UBR1: variants seen among roughly 807,000 people sequenced by gnomAD.
The protein encoded by UBR1 is ubiquitin protein ligase E3 component n-recognin 1.
In UBR1, 102 loss-of-function variants were observed where a neutral mutation model predicts 242.1. The ratio of observed to expected loss-of-function variants is 0.42; its 90% CI spans 0.36 to 0.50. The LOEUF (loss-of-function observed/expected upper bound fraction) is 0.50. UBR1 is among the 20% of genes least tolerant of loss of function. UBR1 has a pLI of 0.01. For missense variants in UBR1, 1,772 were observed against 2,101.8 expected, an observed-to-expected ratio of 0.84 and a Z score of 3.07; for synonymous variants, 675 against 684.8, an observed-to-expected ratio of 0.99 and a Z score of 0.22.
Position 42,943,552 on chromosome 15 carries a change from C to T in UBR1, c.*1777G>A, listed in dbSNP as rs946257456. 2.0e-5 allele frequency: 3 copies of T among 152,262 alleles called. No individual in the cohort carries two copies. Among genetic ancestry groups the T allele is most frequent in the African/African-American group, 7.3e-5 (3 of 41,296 alleles). 9.4% of individuals were successfully genotyped at this position (152,262 alleles called of 1,614,324 possible). A position where few individuals can be genotyped will look rare whatever the true frequency, so the allele number is the denominator to read the frequency against. ...TCCCTCTGTCCTCTTGAGAGCCTAA[C>T]TCCAGAATTTATTAAGTTAATATAA... On this transcript the variant is annotated 3_prime_UTR_variant, in exon 47 of 47. Transcript: ENST00000290650.
At chr15:43,059,220 C>T (rs762827805) in intron 8 of UBR1, 28 bp from the exon 9 acceptor site, 5 of 1,582,728 alleles carry the variant, frequency 3.2e-6, no homozygotes, top group Admixed American at 1.7e-5. Flanking sequence ...CACACAGTTA[C>T]ACAACTTGTA....
intron 29 of UBR1, among the ~76,000 whole-genome samples, chr15:43,015,146 C>G (rs1010239276): frequency 6.6e-6 from 1 of 152,224 alleles, no homozygotes; most frequent in Non-Finnish European, 1.5e-5. Flanking sequence ...GAGGTGTACC[C>G]AACAGCTCAT....
intron 45 of UBR1, 100 bp downstream of exon 45, chr15:42,952,178 G>A: frequency 7.1e-7 from 1 of 1,418,182 alleles, no homozygotes; most frequent in Non-Finnish European, 9.9e-7. Flanking sequence ...ACTTCTGATT[G>A]ATTATTTGCT....
chr15:42,950,028 G>C (rs1489312527), intron 46 of UBR1, among the ~76,000 whole-genome samples: 1 of 151,424 alleles, frequency 6.6e-6, no homozygotes, highest in Non-Finnish European at 1.5e-5. Context: ...TAGTAGCGAC[G>C]GGTTTTCACC....
chr15:42,969,656 G>A (rs1361600668), intron 40 of UBR1, among the ~76,000 whole-genome samples: 2 of 152,106 alleles, frequency 1.3e-5, no homozygotes, highest in Non-Finnish European at 2.9e-5. Flanking sequence ...AAAGTCTCAG[G>A]ATACAAAATC....
At chr15:42,957,388 A>G (rs2031939283) in intron 44 of UBR1, among the ~76,000 whole-genome samples, 1 of 152,208 alleles carries the variant, frequency 6.6e-6, no homozygotes, top group Non-Finnish European at 1.5e-5. Flanking sequence ...ATAAGAAGTG[A>G]TTAGTGAGTA....
At chr15:42,955,809 A>G (rs1403605490) in intron 44 of UBR1, among the ~76,000 whole-genome samples, 1 of 152,248 alleles carries the variant, frequency 6.6e-6, no homozygotes, top group East Asian at 1.9e-4. Flanking sequence ...AGGTAAGCAT[A>G]ATAAGATACA....
At chr15:43,042,536 G>A (rs2141322327) in intron 15 of UBR1, among the ~76,000 whole-genome samples, 1 of 152,172 alleles carries the variant, frequency 6.6e-6, no homozygotes, top group South Asian at 2.1e-4. Flanking sequence ...CAATGGGGAG[G>A]TATTGTTTAG....
intron 24 of UBR1, 23 bp downstream of exon 24, chr15:43,025,358 C>A: frequency 1.2e-6 from 2 of 1,600,846 alleles, no homozygotes; most frequent in South Asian, 2.2e-5. Flanking sequence ...CAAAATGAGT[C>A]AATTCAGAAT....
At chr15:43,079,686 G>A (rs780701397) in intron 3 of UBR1, among the ~76,000 whole-genome samples, 2 of 152,232 alleles carry the variant, frequency 1.3e-5, no homozygotes, top group Non-Finnish European at 2.9e-5. Context: ...GGAGGCTGAG[G>A]CAGGAGAATG....
At position 43,086,069 on chromosome 15, in the gene UBR1, T is replaced by C. The variant is rs2034032231; in HGVS notation, c.253A>G (p.Ile85Val). 6.2e-7 allele frequency: 1 copy of C among 1,613,958 alleles called. No individual in the cohort carries two copies. Among genetic ancestry groups the C allele is most frequent in the African/African-American group, 1.3e-5 (1 of 74,902 alleles). The change falls in exon 2 of 47, where the codon ATT (isoleucine) becomes GTT (valine). Residue 85 changes from isoleucine to valine, a missense_variant. By Grantham distance (29) the Ile-to-Val change is conservative (BLOSUM62 3). Transcript: ENST00000290650. ...EWYLFGEDPD[I>V]CLEKLKHSGA... Reference sequence around the variant, plus strand: ...CTGTGCTTCAATTTCTCTAAGCAAATATCTGGATCTTCTCCAAATAAGTAC... The same window carrying C: ...CTGTGCTTCAATTTCTCTAAGCAAACATCTGGATCTTCTCCAAATAAGTAC...
intron 1 of UBR1, among the ~76,000 whole-genome samples, chr15:43,091,723 G>A (rs1168256490): frequency 1.3e-5 from 2 of 151,704 alleles, no homozygotes; most frequent in Non-Finnish European, 2.9e-5. Flanking sequence ...CTTGAGCTCA[G>A]GAGTTTGAGA....
intron 3 of UBR1, among the ~76,000 whole-genome samples, chr15:43,080,243 G>A (rs973479458): frequency 6.6e-6 from 1 of 152,066 alleles, no homozygotes; most frequent in Non-Finnish European, 1.5e-5. Context: ...TAATTTTAAT[G>A]TATCATGAAA....
At chr15:42,977,298 G>A (rs1394952973) in intron 38 of UBR1, among the ~76,000 whole-genome samples, 2 of 152,162 alleles carry the variant, frequency 1.3e-5, no homozygotes, top group East Asian at 3.9e-4. Flanking sequence ...ACTGGGTAGA[G>A]GCCTAGATAA....
In UBR1 at chr15:42,943,544, G is replaced by C. The variant is rs2031684932; in HGVS notation, c.*1785C>G. ...CCAGACAGTCCCTCTGTCCTCTTGA[G>C]AGCCTAACTCCAGAATTTATTAAGT... On this transcript the variant is annotated 3_prime_UTR_variant, in exon 47 of 47. Coordinates refer to ENST00000290650, the MANE Select transcript of UBR1 (RefSeq NM_174916.3). 6.6e-6 allele frequency: 1 copy of C among 152,270 alleles called. No homozygotes were observed. Among genetic ancestry groups the C allele is most frequent in the Non-Finnish European group, 1.5e-5 (1 of 68,022 alleles). The allele number at this position is 152,270 out of a possible 1,614,324, so 9.4% of individuals were successfully genotyped here.
chr15:42,980,354 C>T (rs1264676125), intron 37 of UBR1, among the ~76,000 whole-genome samples: 1 of 152,158 alleles, frequency 6.6e-6, no homozygotes, highest in Non-Finnish European at 1.5e-5. Context: ...GCAAAGTTTA[C>T]ATGATATAGT....
intron 31 of UBR1, 63 bp downstream of exon 31, chr15:43,003,774 T>C: frequency 1.4e-6 from 2 of 1,471,998 alleles, no homozygotes; most frequent in Non-Finnish European, 1.9e-6. Context: ...TGCCTTTTTG[T>C]GGCCTTGAGT....
chr15:42,951,375 C>T (rs981519849), intron 45 of UBR1, among the ~76,000 whole-genome samples: 1 of 152,166 alleles, frequency 6.6e-6, no homozygotes, highest in Non-Finnish European at 1.5e-5. Flanking sequence ...AGGCATGCGC[C>T]ACCACGCCCA....
At chr15:43,014,791 G>A (rs1231937052) in intron 29 of UBR1, among the ~76,000 whole-genome samples, 1 of 149,588 alleles carries the variant, frequency 6.7e-6, no homozygotes, top group Non-Finnish European at 1.5e-5. Flanking sequence ...GGGAGGTGGG[G>A]GGTCAGCCCC....
Sources: gnomAD v4.1 joint callset for allele counts (sites outside exome capture counted in the v4.1 genomes callset) on GRCh38, gnomAD v4.1.1 for gene constraint, MANE v1.5 for transcripts, NCBI Gene and HGNC (gene_info 2026-07-23, HGNC 2026-07-21) for gene names.